The following GNAQ variants were observed in gnomAD, a reference collection of about 807,000 sequenced individuals.
The protein encoded by GNAQ is guanine nucleotide-binding protein G(q) subunit alpha.
GNAQ carries 8 observed loss-of-function variants against 43.9 expected under a neutral mutation model. The ratio of observed to expected loss-of-function variants is 0.18; its 90% CI spans 0.11 to 0.33. GNAQ has a LOEUF of 0.33. GNAQ is among the 10% of genes least tolerant of loss of function. The pLI is 1.00. For synonymous variants in GNAQ, 155 were observed against 170.7 expected (o/e 0.91, Z 0.71); for missense variants, 158 against 450.8 (o/e 0.35, Z 5.88).
At chr9:77,901,097 C>A (rs1466047561) in intron 2 of GNAQ, among the ~76,000 whole-genome samples, 1 of 152,158 alleles carries the variant, frequency 6.6e-6, no homozygotes. Context: ...CACTCCGGCT[C>A]CTCACTCCTG....
chr9:78,030,465 C>T (rs746576192), intron 1 of GNAQ: 1 of 467,972 alleles, frequency 2.1e-6, no homozygotes. Context: ...CCGCCTCGCC[C>T]CCAGTACACA....
intron 5 of GNAQ, among the ~76,000 whole-genome samples, chr9:77,784,726 CG>C (rs1317204425): frequency 2.0e-5 from 3 of 152,056 alleles, no homozygotes; most frequent in Admixed American, 2.0e-4. Flanking sequence ...AACTTAACAA[CG>C]GACGTGCATC....
At chr9:77,840,998 G>C (rs1827481272) in intron 2 of GNAQ, among the ~76,000 whole-genome samples, 1 of 152,122 alleles carries the variant, frequency 6.6e-6, no homozygotes, top group Non-Finnish European at 1.5e-5. Context: ...ACACATGGTA[G>C]AAGAAACAGC....
rs142274806 is a variant in GNAQ at position 77,888,197 on chromosome 9, T to C, written c.321+33964A>G. 7.1e-3 allele frequency among the ~76,000 whole-genome samples: 1,077 copies of C among 152,262 alleles called. 9 individuals are homozygous for C. The highest frequency in any genetic ancestry group is 0.024 in the African/African-American group (1,003 of 41,558). ...TAATTTCCAATAACATAAATATCAATAGACATTAAAATAAAATAAATATAA... is the reference window on the plus strand; with the variant it reads ...TAATTTCCAATAACATAAATATCAACAGACATTAAAATAAAATAAATATAA... On this transcript the variant is annotated intron_variant, in intron 2 of 6. Transcript: ENST00000286548.
At chr9:77,957,280 C>T (rs1490724487) in intron 1 of GNAQ, among the ~76,000 whole-genome samples, 2 of 151,812 alleles carry the variant, frequency 1.3e-5, no homozygotes, top group South Asian at 2.1e-4. Flanking sequence ...TGCACGAACA[C>T]GGGAGGTGGA....
intron 1 of GNAQ, among the ~76,000 whole-genome samples, chr9:77,960,106 G>C (rs1823089538): frequency 1.3e-5 from 2 of 152,038 alleles, no homozygotes; most frequent in Non-Finnish European, 2.9e-5. Context: ...TGTTATTAAG[G>C]GTAAGGGAAC....
chr9:77,788,395 A>G (rs1826517841), intron 5 of GNAQ, among the ~76,000 whole-genome samples: 1 of 152,238 alleles, frequency 6.6e-6, no homozygotes, highest in South Asian at 2.1e-4. Flanking sequence ...AAGTGAAAAA[A>G]GACCAAATTG....
At chr9:77,847,736 T>C (rs1827610194) in intron 2 of GNAQ, among the ~76,000 whole-genome samples, 1 of 152,218 alleles carries the variant, frequency 6.6e-6, no homozygotes, top group African/African-American at 2.4e-5. Flanking sequence ...AGGGCCTCCC[T>C]ATGTGGTTGT....
chr9:77,877,708 C>T (rs1394515049), intron 2 of GNAQ, among the ~76,000 whole-genome samples: 1 of 152,146 alleles, frequency 6.6e-6, no homozygotes, highest in Non-Finnish European at 1.5e-5. Flanking sequence ...ATAGCATAAT[C>T]TCTTCTTGGC....
chr9:77,976,610 T>G (rs1252120494), intron 1 of GNAQ, among the ~76,000 whole-genome samples: 1 of 152,174 alleles, frequency 6.6e-6, no homozygotes, highest in Non-Finnish European at 1.5e-5. Context: ...CAGGCTGGTC[T>G]CAAACTCCTG....
chr9:78,030,802 A>G (rs1201084737), intron 1 of GNAQ, among the ~76,000 whole-genome samples: 1 of 152,058 alleles, frequency 6.6e-6, no homozygotes, highest in African/African-American at 2.4e-5. Context: ...ACAGCAGATA[A>G]GGTACAGCCC....
At chr9:77,880,592 G>T (rs1587383529) in intron 2 of GNAQ, among the ~76,000 whole-genome samples, 1 of 151,202 alleles carries the variant, frequency 6.6e-6, no homozygotes, top group Non-Finnish European at 1.5e-5. Context: ...TTGAGACAGG[G>T]TCTCATTATG....
In GNAQ at chr9:78,031,351, G is replaced by A. The variant is rs1212433598; in HGVS notation, c.-116C>T. On this transcript the variant is annotated 5_prime_UTR_variant, in exon 1 of 7. Transcript: ENST00000286548. ...GGTGGCCGCCGAGCCCCCGCCGCCC[G>A]GGCGCGCGTCCGGGACGAGCTCCGG... is the stretch of plus-strand genomic sequence containing the variant. The A allele has an allele frequency of 7.6e-6, 6 of 789,056 alleles. No individual in the cohort carries two copies. The highest frequency in any genetic ancestry group is 1.2e-4 in the South Asian group (2 of 16,014). 48.9% of individuals were successfully genotyped at this position (789,056 alleles called of 1,614,324 possible).
chr9:77,842,911 A>G (rs1827514388), intron 2 of GNAQ, among the ~76,000 whole-genome samples: 1 of 152,212 alleles, frequency 6.6e-6, no homozygotes, highest in Non-Finnish European at 1.5e-5. Context: ...CAGTCCCTCA[A>G]TCCCAGTCTT....
intron 2 of GNAQ, among the ~76,000 whole-genome samples, chr9:77,900,383 T>C (rs1309354871): frequency 6.6e-6 from 1 of 152,162 alleles, no homozygotes; most frequent in African/African-American, 2.4e-5. Flanking sequence ...CATCTGGAGA[T>C]TTTAATTATT....
chr9:77,928,008 T>C (rs1025883957), intron 1 of GNAQ, among the ~76,000 whole-genome samples: 3 of 152,190 alleles, frequency 2.0e-5, no homozygotes, highest in South Asian at 2.1e-4. Flanking sequence ...CTTGGGCTAC[T>C]TTCACATACA....
chr9:77,800,780 A>G (rs1481436830), intron 3 of GNAQ, among the ~76,000 whole-genome samples: 5 of 152,192 alleles, frequency 3.3e-5, no homozygotes, highest in Non-Finnish European at 5.9e-5. Context: ...CAAAAATCAG[A>G]TAGCTACTCT....
chr9:77,944,260 CTATAATAAAAGCAT>C, intron 1 of GNAQ, among the ~76,000 whole-genome samples: 1 of 151,756 alleles, frequency 6.6e-6, no homozygotes, highest in East Asian at 1.9e-4. Context: ...TAATCAAAAA[CTATAATAAAAGCAT>C]TTTAGAATTA....
chr9:77,759,079 GAC>G (rs1825949542), intron 5 of GNAQ, among the ~76,000 whole-genome samples: 1 of 152,200 alleles, frequency 6.6e-6, no homozygotes, highest in Admixed American at 6.5e-5. Flanking sequence ...AGTCTCTAAA[GAC>G]ACAGTTTCTT....
Sources: gnomAD v4.1 joint callset for allele counts (sites outside exome capture counted in the v4.1 genomes callset) on GRCh38, gnomAD v4.1.1 for gene constraint, MANE v1.5 for transcripts, NCBI Gene and HGNC (gene_info 2026-07-23, HGNC 2026-07-21) for gene names.